Variants in OTOF observed in about 807,000 individuals in gnomAD.
OTOF encodes fer-1-like family member 2.
In OTOF, 218 loss-of-function variants were observed where a neutral mutation model predicts 236.8. That is an observed-to-expected ratio of 0.92 (90% CI 0.82 to 1.03). OTOF has a LOEUF of 1.03. OTOF is among the 50% of genes least tolerant of loss of function. OTOF has a pLI of 0.00. For missense variants in OTOF, 2,590 were observed against 2,694.4 expected (o/e 0.96, Z 0.86); for synonymous variants, 1,041 against 1,072.5 (o/e 0.97, Z 0.57).
chr2:26,479,777 C>T lies in OTOF; in HGVS notation c.1913-124G>A, dbSNP rs566396093. ...GGAGAGTCAGGGAATGGGGCTCAGA[C>T]GTGACACATCATTAGCCAGAGAGCA... On this transcript the variant is annotated intron_variant, in intron 16 of 46. Transcript: ENST00000272371. 262 of 885,710 alleles carry T rather than the reference C, an allele frequency of 3.0e-4. 2 individuals are homozygous for T. In the African/African-American group the frequency reaches 3.3e-3, roughly 11 times the overall value. The allele number at this position is 885,710 out of a possible 1,614,324, so 54.9% of individuals were successfully genotyped here.
chr2:26,460,427 G>C lies in OTOF; in HGVS notation c.5813+220C>G, dbSNP rs1487121504. ...GAGCATAGTTTCTCTCCGCTAGATGGGGCCTTTCCCAGGGAAGGTCCTGCT... is the reference window on the plus strand; with the variant it reads ...GAGCATAGTTTCTCTCCGCTAGATGCGGCCTTTCCCAGGGAAGGTCCTGCT... On this transcript the variant is annotated intron_variant, in intron 45 of 46. Coordinates refer to ENST00000272371, the MANE Select transcript of OTOF (RefSeq NM_194248.3). This position sits in a 1 kb window ranked among gnomAD's most constrained non-coding sequence, Gnocchi z 5.3. 6.6e-6 allele frequency among the ~76,000 whole-genome samples: 1 copy of C among 152,200 alleles called. No individual in the cohort carries two copies. Among genetic ancestry groups the C allele is most frequent in the Non-Finnish European group, 1.5e-5 (1 of 68,030 alleles).
chr2:26,464,307 G>A (rs1664626614), intron 39 of OTOF, among the ~76,000 whole-genome samples: 1 of 152,026 alleles, frequency 6.6e-6, no homozygotes, highest in South Asian at 2.1e-4. Context: ...GCCAAGAGAG[G>A]TCTGTGCCCT....
intron 3 of OTOF, among the ~76,000 whole-genome samples, chr2:26,524,855 G>C (rs1025076651): frequency 1.3e-5 from 2 of 152,184 alleles, no homozygotes; most frequent in African/African-American, 4.8e-5. Flanking sequence ...TTCCCCTCCT[G>C]CACAGCTAGG....
rs925851263 is a variant in OTOF at position 26,462,192 on chromosome 2, G to A, written c.5193-11C>T. Reference sequence around the variant, plus strand: ...ACCCGCAGCTCGTACCTGGGCCCAGGGAGAGAAGGCTGGTTAGCAGCCCCA... The same window carrying A: ...ACCCGCAGCTCGTACCTGGGCCCAGAGAGAGAAGGCTGGTTAGCAGCCCCA... On this transcript the variant is annotated splice_polypyrimidine_tract_variant and intron_variant, in intron 41 of 46. Coordinates refer to ENST00000272371, the MANE Select transcript of OTOF (RefSeq NM_194248.3). The surrounding 1 kb of genome is among the most constrained non-coding windows in gnomAD (Gnocchi z 4.7). 3.1e-6 allele frequency: 5 copies of A among 1,612,762 alleles called. No homozygotes were observed. In the African/African-American group the frequency reaches 5.3e-5, roughly 17 times the overall value.
rs1378219479 is a variant in OTOF at position 26,477,055 on chromosome 2, G to A, written c.2524-12C>T. 1 of 1,523,246 alleles carries A rather than the reference G, an allele frequency of 6.6e-7. No homozygotes were observed. Among genetic ancestry groups the A allele is most frequent in the East Asian group, 2.4e-5 (1 of 42,302 alleles). 94.4% of individuals were successfully genotyped at this position (1,523,246 alleles called of 1,614,324 possible). A position where few individuals can be genotyped will look rare whatever the true frequency, so the allele number is the denominator to read the frequency against. On this transcript the variant is annotated splice_polypyrimidine_tract_variant and intron_variant, in intron 21 of 46. Transcript: ENST00000272371. This position sits in a 1 kb window ranked among gnomAD's most constrained non-coding sequence, Gnocchi z 4.7. ...ATGCTGTGCTGGGGCTGGGGGTTGG[G>A]GGGTGGCCAGGGGCAGTGGGTAAGG...
At chr2:26,517,949 G>A (rs373014923) in intron 4 of OTOF, among the ~76,000 whole-genome samples, 343 of 152,192 alleles carry the variant, frequency 2.3e-3, no homozygotes, top group South Asian at 0.013. Flanking sequence ...CTCCCAGCCC[G>A]CCTTCCCATG....
At chr2:26,546,619 T>C (rs72856095) in intron 1 of OTOF, among the ~76,000 whole-genome samples, 2,528 of 152,306 alleles carry the variant, frequency 0.017, 86 homozygotes, top group African/African-American at 0.058. Context: ...AGTTTTCAAT[T>C]TCTACAAAAT....
At position 26,459,270 on chromosome 2, in the gene OTOF, C is replaced by T. The variant is rs115871157; in HGVS notation, c.*17+738G>A. On this transcript the variant is annotated intron_variant, in intron 46 of 46. Coordinates refer to ENST00000272371, the MANE Select transcript of OTOF (RefSeq NM_194248.3). ...TCTGCCAATGAAATTGGGTTAGAGT[C>T]GGCTGGGCGCGGTGGCTCACGCCTG... Among the ~76,000 whole-genome samples the T allele has an allele frequency of 4.5e-3, 685 of 152,230 alleles. 8 individuals are homozygous for T. The highest frequency in any genetic ancestry group is 0.017 in the Middle Eastern group (5 of 294).
In OTOF at chr2:26,476,213, G is replaced by A. The variant is rs199804573; in HGVS notation, c.2781C>T (p.Cys927=). 1.9e-5 allele frequency: 30 copies of A among 1,609,756 alleles called. No homozygotes were observed. The highest frequency in any genetic ancestry group is 4.0e-5 in the African/African-American group (3 of 75,018). The change falls in exon 23 of 47, where the codon TGC becomes TGT. Residue 927 remains cysteine, a synonymous_variant. Coordinates refer to ENST00000272371, the MANE Select transcript of OTOF (RefSeq NM_194248.3). ...CCTCCTGGAAGCCACAGGGCAGGCC[G>A]CACAGGAACTCCTTGCGCTGTTTGC... ...GLSKQRKEFL[C]GLPCGFQEVK...
At chr2:26,550,112 A>G (rs1438304507) in intron 1 of OTOF, among the ~76,000 whole-genome samples, 1 of 152,098 alleles carries the variant, frequency 6.6e-6, no homozygotes, top group Non-Finnish European at 1.5e-5. Flanking sequence ...CTGAAAAAAA[A>G]AAAAGCCAGT....
chr2:26,466,432 G>A (rs1664729789), intron 36 of OTOF: 2 of 514,428 alleles, frequency 3.9e-6, no homozygotes, highest in Non-Finnish European at 7.1e-6. Context: ...CACCTCCCAG[G>A]TTCAAGCGAT....
At chr2:26,546,743 G>A (rs1008245808) in intron 1 of OTOF, among the ~76,000 whole-genome samples, 5 of 121,926 alleles carry the variant, frequency 4.1e-5, no homozygotes, top group African/African-American at 1.1e-4. Flanking sequence ...TTTTCTACAT[G>A]TTTGGTTTTT....
At chr2:26,547,169 T>G (rs538405921) in intron 1 of OTOF, among the ~76,000 whole-genome samples, 1 of 152,368 alleles carries the variant, frequency 6.6e-6, no homozygotes, top group African/African-American at 2.4e-5. Flanking sequence ...AGTTTGCTGA[T>G]AGTTATTATC....
At chr2:26,474,869 C>T (rs1041627500) in intron 25 of OTOF, among the ~76,000 whole-genome samples, 195 bp from the exon 26 acceptor site, 6 of 152,006 alleles carry the variant, frequency 3.9e-5, no homozygotes, top group Non-Finnish European at 8.8e-5. Context: ...GGCAGATGCC[C>T]GGCTCAGGAC....
chr2:26,473,552 G>C lies in OTOF; in HGVS notation c.3424C>G (p.Leu1142Val). 6.2e-7 allele frequency: 1 copy of C among 1,608,778 alleles called. No individual in the cohort carries two copies. The highest frequency in any genetic ancestry group is 8.5e-7 in the Non-Finnish European group (1 of 1,179,020). ...KYRVEVLFWG[L>V]RDLKRVNLAQ... ...AGGTTCACCCGCTTTAGGTCCCGTA[G>C]GCCCCAGAACAGCACCTGGGAGAGG... is the stretch of plus-strand genomic sequence containing the variant. The change falls in exon 28 of 47, where the codon CTA (leucine) becomes GTA (valine). Residue 1142 changes from leucine (L) to valine (V), a missense_variant. Around this residue, in one of 2 missense-constraint regions of OTOF, gnomAD observed 1,211 missense variants for 1,352.8 expected, o/e 0.90. Transcript: ENST00000272371. This position sits in a 1 kb window ranked among gnomAD's most constrained non-coding sequence, Gnocchi z 7.2.
chr2:26,489,517 TG>T (rs1665785090), intron 10 of OTOF, among the ~76,000 whole-genome samples, 160 bp downstream of exon 10: 4 of 152,056 alleles, frequency 2.6e-5, no homozygotes, highest in Non-Finnish European at 4.4e-5. Flanking sequence ...AAGGGGTGGG[TG>T]GGGGCCAGAA....
At chr2:26,542,217 G>A (rs1667226076) in intron 1 of OTOF, among the ~76,000 whole-genome samples, 1 of 152,192 alleles carries the variant, frequency 6.6e-6, no homozygotes, top group African/African-American at 2.4e-5. Context: ...CCCTGCTAGG[G>A]CCACACCTCT....
rs913444403 is a variant in OTOF at position 26,462,958 on chromosome 2, C to T, written c.5192+525G>A. ...ACCCGGGTTCTTTTCACTCTACCACCTCCTGCCTCTTCCAGGCACTCACTC... is the reference window on the plus strand; with the variant it reads ...ACCCGGGTTCTTTTCACTCTACCACTTCCTGCCTCTTCCAGGCACTCACTC... On this transcript the variant is annotated intron_variant, in intron 41 of 46. Transcript: ENST00000272371. The surrounding 1 kb of genome is among the most constrained non-coding windows in gnomAD (Gnocchi z 4.7). Among the ~76,000 whole-genome samples the T allele has an allele frequency of 1.3e-5, 2 of 152,192 alleles. No individual in the cohort carries two copies. The highest frequency in any genetic ancestry group is 4.8e-5 in the African/African-American group (2 of 41,442).
Position 26,479,564 on chromosome 2 carries a change from T to C in OTOF, c.2002A>G (p.Ile668Val). The change falls in exon 17 of 47, where the codon ATT (isoleucine) becomes GTT (valine). Residue 668 changes from isoleucine to valine, a missense_variant. Ile to Val is a conservative substitution (Grantham distance 29). Around this residue, in one of 2 missense-constraint regions of OTOF, gnomAD observed 1,379 missense variants for 1,341.6 expected, o/e 1.03. Coordinates refer to ENST00000272371, the MANE Select transcript of OTOF (RefSeq NM_194248.3). ...GCCTCGTCATCACTTGCGTTCTGAATCAGGTCTACTTCTTCCTCATCCCCC... is the reference window on the plus strand; with the variant it reads ...GCCTCGTCATCACTTGCGTTCTGAACCAGGTCTACTTCTTCCTCATCCCCC... ...EPGDEEEVDL[I>V]QNASDDEAGD... The C allele has an allele frequency of 6.2e-7, 1 of 1,612,680 alleles. No individual in the cohort carries two copies. The highest frequency in any genetic ancestry group is 8.5e-7 in the Non-Finnish European group (1 of 1,179,954).
Sources: gnomAD v4.1 joint callset for allele counts (sites outside exome capture counted in the v4.1 genomes callset) on GRCh38, gnomAD v4.1.1 for gene constraint, gnomAD v4.1.1 regional missense constraint, Gnocchi (gnomAD v3.1) non-coding constraint, MANE v1.5 for transcripts, NCBI Gene and HGNC (gene_info 2026-07-23, HGNC 2026-07-21) for gene names.